SCAMP2: variants seen among roughly 807,000 people sequenced by gnomAD.
SCAMP2 encodes secretory carrier membrane protein 2, also known as secretory carrier-associated membrane protein 2.
A neutral mutation model predicts 44.1 loss-of-function variants in SCAMP2; 25 were observed. That is an observed-to-expected ratio of 0.57 (90% confidence interval 0.41 to 0.79). The LOEUF is 0.79. Among genes scored for constraint, SCAMP2 ranks in the 30% least tolerant of loss-of-function variants. The probability of loss-of-function intolerance (pLI) is 0.00; values close to 1 mark genes in which losing one functional copy is unlikely to be tolerated. For synonymous variants in SCAMP2, 156 were observed against 166.0 expected (o/e 0.94, Z 0.46); for missense variants, 355 against 411.0 (o/e 0.86, Z 1.18).
chr15:74,854,266 C>T, intron 2 of SCAMP2, 147 bp from the exon 3 acceptor site: 1 of 800,444 alleles, frequency 1.2e-6, no homozygotes, highest in South Asian at 1.5e-5. Flanking sequence ...TGTGGCTTCC[C>T]AGCCAACAAG....
intron 1 of SCAMP2, among the ~76,000 whole-genome samples, chr15:74,871,614 T>G (rs985170624): frequency 3.3e-5 from 5 of 151,198 alleles, no homozygotes; most frequent in African/African-American, 1.2e-4. Context: ...TAGCCGGTCG[T>G]GGTGGTGCAT....
intron 1 of SCAMP2, among the ~76,000 whole-genome samples, chr15:74,858,574 C>T (rs1246002271): frequency 6.6e-6 from 1 of 152,020 alleles, no homozygotes; most frequent in Non-Finnish European, 1.5e-5. Context: ...AGTAGCTTGT[C>T]TTAAGATCTC....
chr15:74,858,716 T>C (rs1365012124), intron 1 of SCAMP2, among the ~76,000 whole-genome samples: 2 of 150,936 alleles, frequency 1.3e-5, no homozygotes, highest in African/African-American at 4.9e-5. Context: ...AGTGAATATG[T>C]GGCAGGATGA....
intron 1 of SCAMP2, among the ~76,000 whole-genome samples, chr15:74,870,782 C>G (rs1036311384): frequency 6.6e-6 from 1 of 152,188 alleles, no homozygotes; most frequent in East Asian, 1.9e-4. Context: ...TTTTCACTCT[C>G]CTGACAGCGT....
chr15:74,847,964 G>A (rs971703812), intron 7 of SCAMP2, among the ~76,000 whole-genome samples: 4 of 152,192 alleles, frequency 2.6e-5, no homozygotes, highest in Admixed American at 6.5e-5. Context: ...CAGGAGAAAA[G>A]GAAGAGGCTG....
Position 74,845,510 on chromosome 15 carries a change from G to A in SCAMP2, c.818C>T (p.Thr273Ile), listed in dbSNP as rs1156790953. 11 of 1,614,212 alleles carry A rather than the reference G, an allele frequency of 6.8e-6. No individual in the cohort carries two copies. Among genetic ancestry groups the A allele is most frequent in the African/African-American group, 1.3e-5 (1 of 75,076 alleles). ...GAAGACTGAGAGCACGGCACAGAGG[G>A]TGAAGAAGCCAGCCACCACCATCAT... ...VIMMVVAGFF[T>I]LCAVLSVFLL... is the part of the protein sequence containing the mutation. The change falls in exon 8 of 9, where the codon ACC (threonine) becomes ATC (isoleucine). Residue 273 changes from threonine to isoleucine, a missense_variant. By Grantham distance (89) the Thr-to-Ile change is moderately conservative (BLOSUM62 -1). Coordinates refer to ENST00000268099, the MANE Select transcript of SCAMP2 (RefSeq NM_005697.5).
At chr15:74,861,239 A>G (rs2064501098) in intron 1 of SCAMP2, among the ~76,000 whole-genome samples, 1 of 152,148 alleles carries the variant, frequency 6.6e-6, no homozygotes, top group East Asian at 1.9e-4. Context: ...TGAGAGGCAG[A>G]GAGTCAGCAA....
At chr15:74,866,928 C>T (rs2064548080) in intron 1 of SCAMP2, among the ~76,000 whole-genome samples, 1 of 151,970 alleles carries the variant, frequency 6.6e-6, no homozygotes, top group African/African-American at 2.4e-5. Flanking sequence ...TCCCGAGTAG[C>T]TGGAACTACA....
At chr15:74,855,190 G>A (rs1237136005) in intron 1 of SCAMP2, among the ~76,000 whole-genome samples, 1 of 151,696 alleles carries the variant, frequency 6.6e-6, no homozygotes, top group African/African-American at 2.4e-5. Context: ...TGCAACCTTC[G>A]CCTCCTGGGT....
chr15:74,861,480 T>C (rs1360119984), intron 1 of SCAMP2, among the ~76,000 whole-genome samples: 2 of 152,038 alleles, frequency 1.3e-5, no homozygotes, highest in East Asian at 1.9e-4. Context: ...GGACTTACAA[T>C]AGGAGAAAAA....
intron 1 of SCAMP2, among the ~76,000 whole-genome samples, chr15:74,860,249 T>A (rs957910765): frequency 2.0e-5 from 3 of 151,634 alleles, no homozygotes; most frequent in African/African-American, 4.9e-5. Context: ...ACCCCATGTC[T>A]ATTAAAAATA....
intron 1 of SCAMP2, among the ~76,000 whole-genome samples, chr15:74,863,033 AC>A (rs1295399208): frequency 2.6e-5 from 4 of 151,272 alleles, no homozygotes; most frequent in Non-Finnish European, 5.9e-5. Context: ...TCATGATGAA[AC>A]CCCGTCTCTA....
At chr15:74,865,405 GAA>G (rs2064535937) in intron 1 of SCAMP2, among the ~76,000 whole-genome samples, 1 of 141,418 alleles carries the variant, frequency 7.1e-6, no homozygotes, top group African/African-American at 2.5e-5. Flanking sequence ...GAAAAGAAAA[GAA>G]AAAAGAAAGA....
At chr15:74,862,820 T>C (rs1363844192) in intron 1 of SCAMP2, among the ~76,000 whole-genome samples, 3 of 79,172 alleles carry the variant, frequency 3.8e-5, no homozygotes, top group Admixed American at 1.9e-4. Flanking sequence ...AGACTCCATC[T>C]CAAAAAAAAA....
chr15:74,846,823 G>T (rs897698490), intron 7 of SCAMP2, among the ~76,000 whole-genome samples: 2 of 152,086 alleles, frequency 1.3e-5, no homozygotes, highest in Non-Finnish European at 2.9e-5. Flanking sequence ...TTGGGGGTGG[G>T]GAGTATGGAA....
chr15:74,853,910 A>T, intron 3 of SCAMP2, 111 bp downstream of exon 3: 1 of 961,940 alleles, frequency 1.0e-6, no homozygotes, highest in Non-Finnish European at 1.6e-6. Context: ...GAGGGCCCTT[A>T]GGGGGCCAAG....
intron 7 of SCAMP2, among the ~76,000 whole-genome samples, chr15:74,847,375 T>A (rs1011719350): frequency 1.3e-5 from 2 of 152,218 alleles, no homozygotes; most frequent in Non-Finnish European, 1.5e-5. Context: ...ATTACAGGCA[T>A]GAGCCACCGC....
At chr15:74,870,239 CCA>C (rs1267511103) in intron 1 of SCAMP2, among the ~76,000 whole-genome samples, 10 of 152,290 alleles carry the variant, frequency 6.6e-5, no homozygotes, top group African/African-American at 2.4e-4. Flanking sequence ...GTTACTTCTA[CCA>C]CAGTTTGCAC....
At chr15:74,852,262 G>C in intron 3 of SCAMP2, 76 bp from the exon 4 acceptor site, 1 of 1,082,188 alleles carries the variant, frequency 9.2e-7, no homozygotes, top group Non-Finnish European at 1.3e-6. Context: ...TAGGCAGGCA[G>C]AGAGGCCTTG....
Sources: gnomAD v4.1 joint callset for allele counts (sites outside exome capture counted in the v4.1 genomes callset) on GRCh38, gnomAD v4.1.1 for gene constraint, MANE v1.5 for transcripts, NCBI Gene and HGNC (gene_info 2026-07-23, HGNC 2026-07-21) for gene names.